KIF18A: variants seen among roughly 807,000 people sequenced by gnomAD.
The protein encoded by KIF18A is kinesin-like protein KIF18A.
In KIF18A, 67 loss-of-function variants were observed where a neutral mutation model predicts 103.3. The observed-to-expected ratio is 0.65, with a 90% CI of 0.53 to 0.79. KIF18A has a LOEUF of 0.79. KIF18A is among the 30% of genes least tolerant of loss of function. KIF18A has a pLI of 0.00. For synonymous variants in KIF18A, 367 were observed against 355.5 expected, an observed-to-expected ratio of 1.03 and a Z score of -0.36; for missense variants, 1,032 against 1,062.5, an observed-to-expected ratio of 0.97 and a Z score of 0.40.
chr11:28,048,348 T>G (rs1198522183), intron 13 of KIF18A, among the ~76,000 whole-genome samples: 5 of 152,080 alleles, frequency 3.3e-5, no homozygotes, highest in African/African-American at 1.2e-4. Context: ...CTTGTAATAA[T>G]AAAGTGAAAA....
intron 10 of KIF18A, among the ~76,000 whole-genome samples, chr11:28,074,607 T>A (rs1851065899): frequency 6.6e-6 from 1 of 152,176 alleles, no homozygotes; most frequent in Non-Finnish European, 1.5e-5. Context: ...CTGAATGCTT[T>A]ATGATTAATT....
chr11:28,072,100 G>T (rs559873476), intron 10 of KIF18A, among the ~76,000 whole-genome samples: 207 of 152,224 alleles, frequency 1.4e-3, no homozygotes, highest in South Asian at 5.2e-3. Context: ...GCAAGTAAGT[G>T]TTTGGGAATA....
chr11:28,034,941 G>C (rs1590665041), intron 15 of KIF18A, among the ~76,000 whole-genome samples: 1 of 151,620 alleles, frequency 6.6e-6, no homozygotes, highest in African/African-American at 2.4e-5. Context: ...TCTGATACAA[G>C]CTACACTGTC....
intron 9 of KIF18A, among the ~76,000 whole-genome samples, chr11:28,079,909 A>G (rs1851143301): frequency 6.6e-6 from 1 of 152,068 alleles, no homozygotes; most frequent in African/African-American, 2.4e-5. Flanking sequence ...ATACTGTATT[A>G]CTAACTGCTT....
intron 13 of KIF18A, among the ~76,000 whole-genome samples, chr11:28,053,223 TTC>T (rs1850734037): frequency 6.6e-6 from 1 of 152,212 alleles, no homozygotes; most frequent in South Asian, 2.1e-4. Flanking sequence ...GATGACATTT[TTC>T]TTTTATACAC....
chr11:28,094,765 G>A lies in KIF18A; in HGVS notation c.361C>T (p.His121Tyr), dbSNP rs1477931769. 1.2e-6 allele frequency: 2 copies of A among 1,613,948 alleles called. No homozygotes were observed. The highest frequency in any genetic ancestry group is 4.5e-5 in the East Asian group (2 of 44,856). Reference sequence around the variant, plus strand: ...TCATCAGCTGATCCTAGCATAGTGTGGGTCTTCCCAGCACCAGTGGCACCA... The same window carrying A: ...TCATCAGCTGATCCTAGCATAGTGTAGGTCTTCCCAGCACCAGTGGCACCA... ...AYGATGAGKT[H>Y]TMLGSADEPG... Residue 121 changes from histidine (H) to tyrosine (Y), a missense_variant, in exon 3 of 17, where the codon CAC becomes TAC. Physicochemically the swap from His to Tyr is moderately conservative, Grantham distance 83. Transcript: ENST00000263181.
At chr11:28,094,912 T>G (rs943451913) in intron 2 of KIF18A, 112 bp from the exon 3 acceptor site, 68 of 1,010,204 alleles carry the variant, frequency 6.7e-5, no homozygotes, top group Non-Finnish European at 9.8e-5. Context: ...CTTTAAACCC[T>G]ACAAATCCAA....
chr11:28,055,211 T>C (rs764965285), intron 13 of KIF18A, among the ~76,000 whole-genome samples: 5 of 152,164 alleles, frequency 3.3e-5, no homozygotes, highest in Non-Finnish European at 7.4e-5. Flanking sequence ...ACTTCCGTAT[T>C]TTCTTAATGT....
intron 9 of KIF18A, among the ~76,000 whole-genome samples, chr11:28,079,043 T>G (rs1245863927): frequency 1.3e-5 from 2 of 152,078 alleles, no homozygotes; most frequent in Non-Finnish European, 2.9e-5. Context: ...AAGCTTTTAT[T>G]GTTGGTCAAA....
rs545042041 is a variant in KIF18A, at chr11:28,092,820, G to T, written c.484-1307C>A. Among the ~76,000 whole-genome samples, 100 of 152,282 alleles carry T rather than the reference G, an allele frequency of 6.6e-4. No individual in the cohort carries two copies. In the Middle Eastern group the frequency reaches 0.017, roughly 26 times the overall value. ...AATAAACCCTTAAAAGTAGTAAAATGATAATATGAAGAAATATTTTTAAAT... is the reference window on the plus strand; with the variant it reads ...AATAAACCCTTAAAAGTAGTAAAATTATAATATGAAGAAATATTTTTAAAT... On this transcript the variant is annotated intron_variant, in intron 3 of 16. Transcript: ENST00000263181.
intron 2 of KIF18A, 68 bp from the exon 3 acceptor site, chr11:28,094,868 G>A: frequency 7.1e-7 from 1 of 1,415,800 alleles, no homozygotes; most frequent in Non-Finnish European, 1.0e-6. Flanking sequence ...CTACTATCTA[G>A]TGGATAGTTC....
At chr11:28,031,425 G>A (rs1019939677) in intron 15 of KIF18A, among the ~76,000 whole-genome samples, 28 of 151,870 alleles carry the variant, frequency 1.8e-4, no homozygotes, top group Admixed American at 5.9e-4. Flanking sequence ...GCAAACTATC[G>A]CAAGGACAAA....
At chr11:28,045,666 A>T (rs2133507114) in intron 13 of KIF18A, among the ~76,000 whole-genome samples, 2 of 152,220 alleles carry the variant, frequency 1.3e-5, no homozygotes, top group Admixed American at 1.3e-4. Flanking sequence ...GAGAAGAAAT[A>T]AGGTGGCGGT....
chr11:28,072,778 A>C (rs1271871829), intron 10 of KIF18A, among the ~76,000 whole-genome samples: 2 of 151,802 alleles, frequency 1.3e-5, no homozygotes, highest in Non-Finnish European at 2.9e-5. Context: ...AAAAAAAAAA[A>C]CAAAACCATA....
At chr11:28,070,855 A>G (rs1468620912) in intron 10 of KIF18A, among the ~76,000 whole-genome samples, 1 of 152,218 alleles carries the variant, frequency 6.6e-6, no homozygotes, top group African/African-American at 2.4e-5. Context: ...ATCCTGGACA[A>G]CATAGAGAGA....
intron 2 of KIF18A, among the ~76,000 whole-genome samples, chr11:28,095,287 C>T (rs1851354313): frequency 6.6e-6 from 1 of 152,200 alleles, no homozygotes. Context: ...ATTCAATACT[C>T]TCAGCATTTG....
In KIF18A at chr11:28,021,288, GAAGA is replaced by G. The variant is rs1850239759; in HGVS notation, c.2615-10_2615-7del. ...ACAGATGTTTCTTTTATGTTCTAGA[GAAGA>G]AATAAAAAGATGCATAAATATGGCA... On this transcript the variant is annotated splice_polypyrimidine_tract_variant and splice_region_variant and intron_variant, in intron 16 of 16. Coordinates refer to ENST00000263181, the MANE Select transcript of KIF18A (RefSeq NM_031217.4). The G allele has an allele frequency of 7.1e-7, 1 of 1,407,416 alleles. No individual in the cohort carries two copies. 87.2% of individuals were successfully genotyped at this position (1,407,416 alleles called of 1,614,324 possible).
intron 13 of KIF18A, among the ~76,000 whole-genome samples, chr11:28,038,081 A>C (rs1459779721): frequency 6.6e-6 from 1 of 151,584 alleles, no homozygotes; most frequent in Non-Finnish European, 1.5e-5. Flanking sequence ...TTAAAACATA[A>C]TTCTGTTCAT....
chr11:28,023,882 C>G (rs1850277509), intron 15 of KIF18A, 32 bp from the exon 16 acceptor site: 1 of 1,237,868 alleles, frequency 8.1e-7, no homozygotes. Flanking sequence ...TTTAGTTAAG[C>G]ATTTTTTTTA....
Sources: allele counts gnomAD v4.1 joint callset (sites outside exome capture counted in the v4.1 genomes callset), GRCh38; gene constraint gnomAD v4.1.1; transcripts MANE v1.5; gene names NCBI Gene and HGNC (gene_info 2026-07-23, HGNC 2026-07-21).